Variants in TPRG1 observed in about 807,000 individuals in gnomAD.
TPRG1 encodes tumor protein p63-regulated gene 1 protein.
In TPRG1, 29 loss-of-function variants were observed where a neutral mutation model predicts 29.3. The ratio of observed to expected loss-of-function variants is 0.99; its 90% confidence interval spans 0.74 to 1.35. The LOEUF (loss-of-function observed/expected upper bound fraction) is 1.35, where lower values mean the gene tolerates loss of function less well. TPRG1 is among the 40% of genes most tolerant of loss of function. TPRG1 has a pLI of 0.00. For synonymous variants in TPRG1, 130 were observed against 116.8 expected (o/e 1.11, Z -0.73); for missense variants, 327 against 335.0 (o/e 0.98, Z 0.19).
At chr3:189,148,767 A>T (rs957897928) in intron 4 of TPRG1, among the ~76,000 whole-genome samples, 1 of 152,258 alleles carries the variant, frequency 6.6e-6, no homozygotes, top group East Asian at 1.9e-4. Context: ...CACGCTTTTC[A>T]AACATTTGGA....
chr3:189,134,194 G>C (rs1723441670), intron 3 of TPRG1, among the ~76,000 whole-genome samples: 1 of 151,990 alleles, frequency 6.6e-6, no homozygotes, highest in Admixed American at 6.6e-5. Flanking sequence ...TCTGACCGTG[G>C]GTAAATCACC....
At chr3:189,109,056 A>G (rs1265143180) in intron 1 of TPRG1, among the ~76,000 whole-genome samples, 1 of 151,918 alleles carries the variant, frequency 6.6e-6, no homozygotes, top group Non-Finnish European at 1.5e-5. Flanking sequence ...GAGAAGGTAA[A>G]AGTTGGTATT....
intron 4 of TPRG1, among the ~76,000 whole-genome samples, chr3:189,297,106 G>A (rs1000073274): frequency 6.6e-6 from 1 of 151,884 alleles, no homozygotes; most frequent in Non-Finnish European, 1.5e-5. Flanking sequence ...TCAGCCTCAC[G>A]AGTAGCTGGG....
At chr3:189,036,753 A>G (rs1051160263) in intron 4 of TPRG1, among the ~76,000 whole-genome samples, 5 of 151,990 alleles carry the variant, frequency 3.3e-5, no homozygotes, top group Non-Finnish European at 7.4e-5. Context: ...TATAGAATAA[A>G]AAAGGTGATG....
intron 1 of TPRG1, among the ~76,000 whole-genome samples, chr3:189,176,381 C>T (rs148433629): frequency 1.1e-3 from 161 of 152,268 alleles, no homozygotes; most frequent in Non-Finnish European, 1.9e-3. Context: ...TATTGAATAT[C>T]TGTTTTAAGT....
intron 1 of TPRG1, among the ~76,000 whole-genome samples, chr3:189,122,829 C>T (rs757786365): frequency 6.6e-6 from 1 of 152,134 alleles, no homozygotes; most frequent in Non-Finnish European, 1.5e-5. Flanking sequence ...GATTATCAGT[C>T]CTTTTGGTTT....
At chr3:189,179,927 GA>G in intron 1 of TPRG1, among the ~76,000 whole-genome samples, 1 of 152,174 alleles carries the variant, frequency 6.6e-6, no homozygotes, top group Non-Finnish European at 1.5e-5. Context: ...ACACACATGA[GA>G]CTGGGCAATT....
At chr3:189,227,661 T>TCC (rs1389280098) in intron 3 of TPRG1, among the ~76,000 whole-genome samples, 3 of 152,224 alleles carry the variant, frequency 2.0e-5, no homozygotes, top group Non-Finnish European at 4.4e-5. Flanking sequence ...TTGTAACCCA[T>TCC]CAGCGTTCTT....
At chr3:189,142,461 C>T (rs948703500) in intron 3 of TPRG1, among the ~76,000 whole-genome samples, 6 of 152,148 alleles carry the variant, frequency 3.9e-5, no homozygotes, top group African/African-American at 9.7e-5. Flanking sequence ...CCATTTTCAA[C>T]GATGGGTGGT....
At chr3:188,999,793 TG>T (rs1711943002) in intron 1 of TPRG1, among the ~76,000 whole-genome samples, 1 of 152,148 alleles carries the variant, frequency 6.6e-6, no homozygotes, top group African/African-American at 2.4e-5. Context: ...TGATTTCTAA[TG>T]GGCTTTATTA....
intron 4 of TPRG1, among the ~76,000 whole-genome samples, chr3:189,272,563 T>C (rs1715329197): frequency 1.3e-5 from 2 of 151,932 alleles, no homozygotes. Context: ...TAGTAGAAGA[T>C]TAAGCTGACT....
chr3:189,081,772 T>G (rs536004364), intron 4 of TPRG1, among the ~76,000 whole-genome samples: 6 of 152,362 alleles, frequency 3.9e-5, no homozygotes, highest in African/African-American at 1.4e-4. Flanking sequence ...TTGTTAAAAC[T>G]ATATGTCACA....
intron 3 of TPRG1, among the ~76,000 whole-genome samples, chr3:189,022,860 C>T (rs1713423184): frequency 6.6e-6 from 1 of 152,212 alleles, no homozygotes; most frequent in African/African-American, 2.4e-5. Flanking sequence ...TCTCAGACTG[C>T]TGTGCTAGCA....
chr3:189,033,194 A>G (rs910208256), intron 4 of TPRG1, among the ~76,000 whole-genome samples: 1 of 152,130 alleles, frequency 6.6e-6, no homozygotes, highest in Non-Finnish European at 1.5e-5. Context: ...GTAGCTTTGT[A>G]CCAAACTAAA....
rs574765763 is a variant in TPRG1, at chr3:189,002,387, T to C, written c.-878+1476T>C. On this transcript the variant is annotated intron_variant, in intron 2 of 10. Coordinates refer to the TPRG1 transcript ENST00000433971. ...CAGGGATTTTCTTACACTTAAGCTG[T>C]TGACAGGTCTAAAGTCTAAATTGTG... Among the ~76,000 whole-genome samples, 10 of 152,278 alleles carry C rather than the reference T, an allele frequency of 6.6e-5. No homozygotes were observed. The South Asian group carries it at 1.9e-3, about 28-fold the overall frequency.
intron 1 of TPRG1, among the ~76,000 whole-genome samples, chr3:189,177,521 T>C (rs539230471): frequency 6.6e-6 from 1 of 151,760 alleles, no homozygotes; most frequent in East Asian, 1.9e-4. Flanking sequence ...TATACTTATC[T>C]ATGTATATAC....
intron 3 of TPRG1, among the ~76,000 whole-genome samples, chr3:189,229,320 T>C (rs1175718207): frequency 6.6e-6 from 1 of 152,224 alleles, no homozygotes; most frequent in African/African-American, 2.4e-5. Flanking sequence ...AAAGCAATTC[T>C]TAAAAAGAAT....
intron 1 of TPRG1, among the ~76,000 whole-genome samples, chr3:189,110,617 C>T (rs1418473920): frequency 1.3e-5 from 2 of 151,996 alleles, no homozygotes; most frequent in Admixed American, 6.6e-5. Context: ...GCTTATTCCA[C>T]AGTTACAAAG....
At chr3:189,218,183 G>T (rs1277121882) in intron 3 of TPRG1, among the ~76,000 whole-genome samples, 1 of 152,042 alleles carries the variant, frequency 6.6e-6, no homozygotes, top group Non-Finnish European at 1.5e-5. Context: ...CGCAATCTCG[G>T]CTCACTGCAA....
Sources: allele counts gnomAD v4.1 joint callset (sites outside exome capture counted in the v4.1 genomes callset), GRCh38; gene constraint gnomAD v4.1.1; transcripts MANE v1.5; gene names NCBI Gene and HGNC (gene_info 2026-07-23, HGNC 2026-07-21).